The following TIAM1 variants were observed in gnomAD, a reference collection of about 807,000 sequenced individuals.
The protein encoded by TIAM1 is rho guanine nucleotide exchange factor TIAM1.
Under a neutral mutation model 163.5 loss-of-function variants are expected in TIAM1, and 65 were observed. The ratio of observed to expected loss-of-function variants is 0.40; its 90% CI spans 0.33 to 0.49. The LOEUF is 0.49. Ranked by LOEUF, TIAM1 falls within the 20% of genes least tolerant of loss-of-function variation. The pLI, the probability that TIAM1 is intolerant of heterozygous loss-of-function variation, is 0.77. For missense variants in TIAM1, 1,789 were observed against 2,044.7 expected, an observed-to-expected ratio of 0.87 and a Z score of 2.41; for synonymous variants, 833 against 810.1, an observed-to-expected ratio of 1.03 and a Z score of -0.48.
At chr21:31,160,255 C>T (rs1017144298) in intron 16 of TIAM1, among the ~76,000 whole-genome samples, 1 of 152,214 alleles carries the variant, frequency 6.6e-6, no homozygotes, top group East Asian at 1.9e-4. Context: ...AACTCTGAAC[C>T]TCCCCACGTC....
At chr21:31,237,423 G>T (rs1195644359) in intron 6 of TIAM1, among the ~76,000 whole-genome samples, 1 of 152,194 alleles carries the variant, frequency 6.6e-6, no homozygotes, top group East Asian at 1.9e-4. Flanking sequence ...CCTTTTCACA[G>T]TGAAGCCACA....
At chr21:31,385,984 C>T (rs2147184658) in intron 2 of TIAM1, among the ~76,000 whole-genome samples, 1 of 148,230 alleles carries the variant, frequency 6.7e-6, no homozygotes, top group East Asian at 2.0e-4. Context: ...ATATAATAAA[C>T]ATTTTAAACA....
intron 15 of TIAM1, among the ~76,000 whole-genome samples, chr21:31,169,597 T>G (rs1436857915): frequency 6.6e-6 from 1 of 152,142 alleles, no homozygotes; most frequent in Non-Finnish European, 1.5e-5. Context: ...ATGAGAAAGT[T>G]TATCATGAAC....
intron 2 of TIAM1, among the ~76,000 whole-genome samples, chr21:31,418,938 C>T (rs2147254997): frequency 6.6e-6 from 1 of 152,168 alleles, no homozygotes; most frequent in East Asian, 1.9e-4. Flanking sequence ...AAGCCCAGCC[C>T]CCACCGAGCG....
At chr21:31,448,609 T>TAAAA (rs36095276) in intron 2 of TIAM1, among the ~76,000 whole-genome samples, 5 of 128,706 alleles carry the variant, frequency 3.9e-5, no homozygotes, top group African/African-American at 6.0e-5. Flanking sequence ...CCATCTCAAT[T>TAAAA]AAAAAAAAAA....
chr21:31,550,834 G>A (rs2048659491), intron 1 of TIAM1, among the ~76,000 whole-genome samples: 1 of 152,072 alleles, frequency 6.6e-6, no homozygotes, highest in African/African-American at 2.4e-5. Context: ...AGGGCAGGGA[G>A]GGATTAAAAG....
intron 1 of TIAM1, among the ~76,000 whole-genome samples, chr21:31,542,221 C>A (rs1322747047): frequency 1.3e-5 from 2 of 151,698 alleles, no homozygotes; most frequent in East Asian, 3.9e-4. Context: ...GTCAGGAGAA[C>A]GAGACCATCC....
At chr21:31,174,661 T>C (rs2084677888) in intron 15 of TIAM1, among the ~76,000 whole-genome samples, 1 of 152,240 alleles carries the variant, frequency 6.6e-6, no homozygotes, top group Non-Finnish European at 1.5e-5. Context: ...CTTTTTCTTT[T>C]TTTGAGAGAG....
At chr21:31,346,653 T>C (rs1193492381), upstream of TIAM1, among the ~76,000 whole-genome samples, 1 of 152,190 alleles carries the variant, frequency 6.6e-6, no homozygotes, top group East Asian at 1.9e-4. Flanking sequence ...CAGTCATTTC[T>C]CCATTGACAA....
At chr21:31,392,407 C>T (rs1308684792) in intron 2 of TIAM1, among the ~76,000 whole-genome samples, 3 of 151,742 alleles carry the variant, frequency 2.0e-5, no homozygotes, top group African/African-American at 4.8e-5. Context: ...CCCGTCTCTA[C>T]TAAAAATTCA....
chr21:31,330,271 C>A (rs1278758920), intron 2 of TIAM1, among the ~76,000 whole-genome samples: 1 of 152,310 alleles, frequency 6.6e-6, no homozygotes, highest in East Asian at 1.9e-4. Context: ...TAGCTCATTT[C>A]TTTTCAGTGC....
intron 1 of TIAM1, among the ~76,000 whole-genome samples, chr21:31,525,843 G>A (rs1348329139): frequency 2.0e-5 from 3 of 152,062 alleles, no homozygotes. Context: ...AGGCCAGCCT[G>A]GCCAACATGG....
At chr21:31,474,056 A>G (rs1376466391) in intron 1 of TIAM1, among the ~76,000 whole-genome samples, 1 of 152,154 alleles carries the variant, frequency 6.6e-6, no homozygotes, top group African/African-American at 2.4e-5. Context: ...AAGGCGAGAG[A>G]GAGCGCAAGA....
At chr21:31,205,904 G>T (rs543784652) in intron 11 of TIAM1, among the ~76,000 whole-genome samples, 31 of 152,264 alleles carry the variant, frequency 2.0e-4, no homozygotes, top group South Asian at 1.0e-3. Context: ...GGAGGGCAAG[G>T]CTGCAGTGAG....
At chr21:31,228,220 TAAAAAAAAAAAAA>T (rs71191197) in intron 6 of TIAM1, among the ~76,000 whole-genome samples, 606 of 16,258 alleles carry the variant, frequency 0.037, 48 homozygotes, top group African/African-American at 0.1. Context: ...CTCCTTTTTT[TAAAAAAAAAAAAA>T]AAAAAAAAAA....
chr21:31,141,609 C>T lies in TIAM1; in HGVS notation c.3476-105G>A. On this transcript the variant is annotated intron_variant, in intron 20 of 27. Coordinates refer to ENST00000541036, the MANE Select transcript of TIAM1 (RefSeq NM_001353694.2). This position sits in a 1 kb window ranked among gnomAD's most constrained non-coding sequence, Gnocchi z 4.7. Reference sequence around the variant, plus strand: ...GACTCCAAGGTGCCTTTTTGCAGGACTGAGCAGAGAGTGGGTGGCAGGAAG... The same window carrying T: ...GACTCCAAGGTGCCTTTTTGCAGGATTGAGCAGAGAGTGGGTGGCAGGAAG... 1 of 1,340,152 alleles carries T rather than the reference C, an allele frequency of 7.5e-7. No homozygotes were observed. The allele number at this position is 1,340,152 out of a possible 1,614,324, so 83.0% of individuals were successfully genotyped here.
intron 2 of TIAM1, among the ~76,000 whole-genome samples, chr21:31,448,092 T>C (rs2044695107): frequency 6.6e-6 from 1 of 152,172 alleles, no homozygotes; most frequent in Admixed American, 6.5e-5. Flanking sequence ...CTCAGTCTAC[T>C]GATTTCAAGG....
intron 1 of TIAM1, among the ~76,000 whole-genome samples, chr21:31,521,023 A>T (rs1230288693): frequency 6.6e-6 from 1 of 152,244 alleles, no homozygotes; most frequent in Non-Finnish European, 1.5e-5. Context: ...GCCACAGAGC[A>T]GGTGCTTAAT....
chr21:31,203,339 T>A (rs758959394), intron 11 of TIAM1, among the ~76,000 whole-genome samples: 1 of 152,142 alleles, frequency 6.6e-6, no homozygotes, highest in Non-Finnish European at 1.5e-5. Context: ...GCCAGGCTGG[T>A]CTCGAACTCC....
Sources: gnomAD v4.1 joint callset for allele counts (sites outside exome capture counted in the v4.1 genomes callset) on GRCh38, gnomAD v4.1.1 for gene constraint, Gnocchi (gnomAD v3.1) non-coding constraint, MANE v1.5 for transcripts, NCBI Gene and HGNC (gene_info 2026-07-23, HGNC 2026-07-21) for gene names.